MEGF9: variants seen among roughly 807,000 people sequenced by gnomAD.
MEGF9 encodes multiple EGF like domains 9, also known as multiple epidermal growth factor-like domains protein 9.
Under a neutral mutation model 46.8 loss-of-function variants are expected in MEGF9, and 6 were observed. The ratio of observed to expected loss-of-function variants is 0.13; its 90% CI spans 0.07 to 0.25. The LOEUF (loss-of-function observed/expected upper bound fraction) is 0.25. Among genes scored for constraint, MEGF9 ranks in the 10% least tolerant of loss-of-function variants. MEGF9 has a pLI of 1.00. For synonymous variants in MEGF9, 302 were observed against 330.7 expected (o/e 0.91, Z 0.94); for missense variants, 683 against 792.4 (o/e 0.86, Z 1.66).
chr9:120,696,141 C>T (rs534158179), intron 1 of MEGF9, among the ~76,000 whole-genome samples: 1 of 152,296 alleles, frequency 6.6e-6, no homozygotes, highest in Non-Finnish European at 1.5e-5. Context: ...ACCTCTAACT[C>T]CGTGGCCTGA....
At chr9:120,631,359 T>C (rs997305554) in intron 2 of MEGF9, among the ~76,000 whole-genome samples, 5 of 152,130 alleles carry the variant, frequency 3.3e-5, no homozygotes, top group African/African-American at 4.8e-5. Flanking sequence ...GCCAGTACCA[T>C]GTTGTTTTGG....
chr9:120,713,561 G>T (rs1192668543), intron 1 of MEGF9, among the ~76,000 whole-genome samples, 197 bp downstream of exon 1: 1 of 152,190 alleles, frequency 6.6e-6, no homozygotes, highest in African/African-American at 2.4e-5. Context: ...AGGGAGCACA[G>T]CCCACGGGGG....
At chr9:120,638,647 C>A (rs1587980830) in intron 2 of MEGF9, among the ~76,000 whole-genome samples, 2 of 152,346 alleles carry the variant, frequency 1.3e-5, no homozygotes, top group East Asian at 3.9e-4. Context: ...GTTCTATATT[C>A]TCGCCAATAC....
At chr9:120,670,287 G>A (rs1429687628) in intron 1 of MEGF9, among the ~76,000 whole-genome samples, 2 of 151,996 alleles carry the variant, frequency 1.3e-5, no homozygotes, top group East Asian at 1.9e-4. Context: ...AGTAGAGACC[G>A]GGTTTCACCA....
chr9:120,662,769 C>T (rs1018115172), intron 1 of MEGF9, among the ~76,000 whole-genome samples: 3 of 152,110 alleles, frequency 2.0e-5, no homozygotes, highest in African/African-American at 4.8e-5. Flanking sequence ...GCTATAGCTT[C>T]GTTATATCCT....
At chr9:120,654,654 A>C (rs946623477) in intron 2 of MEGF9, among the ~76,000 whole-genome samples, 2 of 152,212 alleles carry the variant, frequency 1.3e-5, no homozygotes, top group African/African-American at 2.4e-5. Context: ...GTTATGTTAG[A>C]GTGTACATCT....
chr9:120,708,819 T>A (rs1436743865), intron 1 of MEGF9, among the ~76,000 whole-genome samples: 2 of 152,216 alleles, frequency 1.3e-5, no homozygotes, highest in Non-Finnish European at 2.9e-5. Context: ...CTTATAAATT[T>A]AGTTAATGTC....
chr9:120,615,003 G>T (rs1427894614), intron 3 of MEGF9, among the ~76,000 whole-genome samples: 2 of 151,816 alleles, frequency 1.3e-5, no homozygotes, highest in Non-Finnish European at 2.9e-5. Context: ...ACTTTGGGAG[G>T]CCAAGGCAGG....
At chr9:120,644,875 G>T (rs971672868) in intron 2 of MEGF9, among the ~76,000 whole-genome samples, 1 of 152,160 alleles carries the variant, frequency 6.6e-6, no homozygotes, top group African/African-American at 2.4e-5. Flanking sequence ...CTACATGTTC[G>T]TAAGGTTTTA....
intron 1 of MEGF9, among the ~76,000 whole-genome samples, chr9:120,693,274 C>CGAA (rs1564429366): frequency 4.0e-5 from 1 of 24,808 alleles, no homozygotes; most frequent in Non-Finnish European, 1.3e-4. Flanking sequence ...GTCTGGTTAA[C>CGAA]CAAAAAAAAA....
chr9:120,620,754 GT>G (rs2132303314), intron 3 of MEGF9, among the ~76,000 whole-genome samples: 1 of 151,258 alleles, frequency 6.6e-6, no homozygotes, highest in East Asian at 2.0e-4. Flanking sequence ...AACATGCCTT[GT>G]TTTAGAAATA....
At chr9:120,709,817 G>A (rs570949814) in intron 1 of MEGF9, among the ~76,000 whole-genome samples, 8 of 152,142 alleles carry the variant, frequency 5.3e-5, no homozygotes, top group African/African-American at 1.7e-4. Context: ...GGGAGGCCGC[G>A]GTGGGCAGAT....
chr9:120,688,683 T>C (rs145341322), intron 1 of MEGF9, among the ~76,000 whole-genome samples: 2,047 of 152,046 alleles, frequency 0.013, 43 homozygotes, highest in African/African-American at 0.044. Flanking sequence ...AGGTGGAGAG[T>C]AACTACATGT....
At chr9:120,617,705 A>G (rs527442786) in intron 3 of MEGF9, among the ~76,000 whole-genome samples, 43 of 152,312 alleles carry the variant, frequency 2.8e-4, no homozygotes, top group Middle Eastern at 3.4e-3. Context: ...TGGGGATCAG[A>G]GAATAGGGAG....
At position 120,632,089 on chromosome 9, in the gene MEGF9, AGCTAATTTTT is replaced by A. The variant is rs2043553203; in HGVS notation, c.804-9344_804-9335del. Among the ~76,000 whole-genome samples the A allele has an allele frequency of 2.0e-5, 3 of 152,164 alleles. No homozygotes were observed. In the South Asian group the frequency reaches 6.2e-4, roughly 32 times the overall value. Reference sequence around the variant, plus strand: ...ACTATAGGTGCATGCTACCACGCCCAGCTAATTTTTGTATTTTTAGTAGAGACAGGTTTCA... The same window carrying A: ...ACTATAGGTGCATGCTACCACGCCCAGTATTTTTAGTAGAGACAGGTTTCA... On this transcript the variant is annotated intron_variant, in intron 2 of 5. Coordinates refer to ENST00000373930, the MANE Select transcript of MEGF9 (RefSeq NM_001080497.3).
intron 1 of MEGF9, chr9:120,691,471 T>G (rs750783237): frequency 2.2e-6 from 1 of 464,252 alleles, no homozygotes; most frequent in Admixed American, 2.7e-5. Flanking sequence ...AGGCCACTGA[T>G]GCCCTGAACA....
intron 1 of MEGF9, among the ~76,000 whole-genome samples, chr9:120,671,824 A>G (rs759445523): frequency 6.6e-6 from 1 of 152,246 alleles, no homozygotes; most frequent in Non-Finnish European, 1.5e-5. Context: ...CTACAGAACA[A>G]TATTCCTTGT....
chr9:120,656,117 A>G (rs74697860), intron 2 of MEGF9, among the ~76,000 whole-genome samples: 3,614 of 152,320 alleles, frequency 0.024, 153 homozygotes, highest in African/African-American at 0.083. Flanking sequence ...CTCTGCTTAC[A>G]TATTACATTT....
intron 2 of MEGF9, among the ~76,000 whole-genome samples, chr9:120,650,637 T>A (rs1353076182): frequency 6.6e-6 from 1 of 152,268 alleles, no homozygotes; most frequent in East Asian, 1.9e-4. Flanking sequence ...ATGAATTTTT[T>A]AAAAGCCAAT....
Sources: gnomAD v4.1 joint callset for allele counts (sites outside exome capture counted in the v4.1 genomes callset) on GRCh38, gnomAD v4.1.1 for gene constraint, MANE v1.5 for transcripts, NCBI Gene and HGNC (gene_info 2026-07-23, HGNC 2026-07-21) for gene names.